Variants in PTPRR observed in about 807,000 individuals in gnomAD.
PTPRR encodes receptor-type tyrosine-protein phosphatase R.
Under a neutral mutation model 77.2 loss-of-function variants are expected in PTPRR, and 38 were observed. That is an observed-to-expected ratio of 0.49 (90% confidence interval 0.38 to 0.65). The LOEUF is 0.65. Ranked by LOEUF, PTPRR falls within the 30% of genes least tolerant of loss-of-function variation. The pLI is 0.00. For synonymous variants in PTPRR, 299 were observed against 283.1 expected (o/e 1.06, Z -0.57); for missense variants, 744 against 799.2 (o/e 0.93, Z 0.83).
At chr12:70,728,903 T>A (rs1889551884) in intron 6 of PTPRR, among the ~76,000 whole-genome samples, 1 of 152,050 alleles carries the variant, frequency 6.6e-6, no homozygotes, top group African/African-American at 2.4e-5. Context: ...GCTGTTGGAA[T>A]ACTACGGGGC....
At chr12:70,671,876 C>T (rs529776555) in intron 10 of PTPRR, 10 of 669,930 alleles carry the variant, frequency 1.5e-5, no homozygotes, top group Admixed American at 1.1e-4. Context: ...CCCACAAGCA[C>T]TAACCCAGCG....
chr12:70,760,177 C>T (rs1431104597), intron 4 of PTPRR, among the ~76,000 whole-genome samples: 1 of 152,156 alleles, frequency 6.6e-6, no homozygotes, highest in Admixed American at 6.5e-5. Flanking sequence ...TTTAAAAATT[C>T]AATCCATATT....
In PTPRR at chr12:70,684,803, A is replaced by G; in HGVS notation, c.1280-20T>C. 1 of 1,531,818 alleles carries G rather than the reference A, an allele frequency of 6.5e-7. No homozygotes were observed. The highest frequency in any genetic ancestry group is 8.9e-7 in the Non-Finnish European group (1 of 1,121,426). The allele number at this position is 1,531,818 out of a possible 1,614,324, so 94.9% of individuals were successfully genotyped here. On this transcript the variant is annotated intron_variant, in intron 8 of 13. Coordinates refer to ENST00000283228, the MANE Select transcript of PTPRR (RefSeq NM_002849.4). ...GGGGATCTAATGAAGAAAACAAAAA[A>G]GAATATATTAAACAGATTTACCCTT...
At chr12:70,875,730 CA>C (rs1465824758) in intron 2 of PTPRR, among the ~76,000 whole-genome samples, 1 of 149,978 alleles carries the variant, frequency 6.7e-6, no homozygotes, top group Non-Finnish European at 1.5e-5. Flanking sequence ...AAAAAAGACA[CA>C]GAAAAAAGGG....
chr12:70,757,164 T>G (rs962669723), intron 4 of PTPRR, among the ~76,000 whole-genome samples: 6 of 152,216 alleles, frequency 3.9e-5, no homozygotes, highest in Admixed American at 6.5e-5. Flanking sequence ...GAATAATCAT[T>G]AAACTCACAC....
intron 1 of PTPRR, among the ~76,000 whole-genome samples, chr12:70,918,451 T>C (rs1487402784): frequency 1.3e-5 from 2 of 152,190 alleles, no homozygotes; most frequent in Non-Finnish European, 2.9e-5. Context: ...GTTTTGCAAA[T>C]TAAAAAGTTG....
rs867453764 is a variant in PTPRR, at chr12:70,759,697, A to C, written c.627+1774T>G. ...TCCGTCTTAAAAAAAAAAAAAAAAA[A>C]AAAAAAAAACAAACGAAAGGTATGT... On this transcript the variant is annotated intron_variant, in intron 4 of 13. Coordinates refer to ENST00000283228, the MANE Select transcript of PTPRR (RefSeq NM_002849.4). Among the ~76,000 whole-genome samples the C allele has an allele frequency of 5.7e-3, 853 of 150,188 alleles. 14 individuals are homozygous for C. Among genetic ancestry groups the C allele is most frequent in the African/African-American group, 0.019 (792 of 40,906 alleles).
At chr12:70,704,086 T>C (rs1424131849) in intron 6 of PTPRR, among the ~76,000 whole-genome samples, 1 of 151,986 alleles carries the variant, frequency 6.6e-6, no homozygotes, top group African/African-American at 2.4e-5. Flanking sequence ...GTAAGAGAGA[T>C]GAGAGAGAAG....
chr12:70,875,999 G>T (rs1012083402), intron 2 of PTPRR, among the ~76,000 whole-genome samples: 1 of 152,054 alleles, frequency 6.6e-6, no homozygotes, highest in Non-Finnish European at 1.5e-5. Flanking sequence ...AAATTAAAAA[G>T]AACAACAATG....
At chr12:70,852,541 C>T (rs1383053881) in intron 2 of PTPRR, among the ~76,000 whole-genome samples, 2 of 152,046 alleles carry the variant, frequency 1.3e-5, no homozygotes, top group East Asian at 1.9e-4. Flanking sequence ...CAATCGAATC[C>T]CTTCTCAGGA....
intron 2 of PTPRR, among the ~76,000 whole-genome samples, chr12:70,834,037 A>G (rs912395752): frequency 4.6e-5 from 7 of 152,142 alleles, no homozygotes; most frequent in African/African-American, 1.4e-4. Flanking sequence ...GCGTTTTGCC[A>G]TAGATAACAG....
intron 1 of PTPRR, among the ~76,000 whole-genome samples, chr12:70,906,259 A>G (rs1476857188): frequency 6.6e-6 from 1 of 152,020 alleles, no homozygotes; most frequent in African/African-American, 2.4e-5. Flanking sequence ...TTGCATATCT[A>G]CAACTAGATT....
rs543333455 is a variant in PTPRR, at chr12:70,666,907, CCATTTTTGATTAACTGTGTGTTTTTCTG to C, written c.1498-4330_1498-4303del. Among the ~76,000 whole-genome samples, 269 of 138,724 alleles carry C rather than the reference CCATTTTTGATTAACTGTGTGTTTTTCTG, an allele frequency of 1.9e-3. 1 individual carries two copies. Among genetic ancestry groups the C allele is most frequent in the Middle Eastern group, 4.2e-3 (1 of 238 alleles). 91.0% of individuals were successfully genotyped at this position (138,724 alleles called of 152,430 possible). A position where few individuals can be genotyped will look rare whatever the true frequency, so the allele number is the denominator to read the frequency against. On this transcript the variant is annotated intron_variant, in intron 10 of 13. Transcript: ENST00000283228. ...ACTTTTTTTATGATTCTCACATTGA[CCATTTTTGATTAACTGTGTGTTTTTCTG>C]TTTTTTTTTTTTTTTTTTTTTTTTT...
intron 8 of PTPRR, among the ~76,000 whole-genome samples, chr12:70,693,988 C>T (rs140541498): frequency 5.3e-4 from 80 of 152,004 alleles, no homozygotes; most frequent in African/African-American, 1.7e-3. Context: ...TTAATTTTCT[C>T]GGTAGCCTTG....
intron 6 of PTPRR, among the ~76,000 whole-genome samples, chr12:70,744,922 G>A (rs1299221472): frequency 6.6e-6 from 1 of 152,086 alleles, no homozygotes; most frequent in Non-Finnish European, 1.5e-5. Context: ...ATTTTTGAGA[G>A]GCAAAGAATT....
In PTPRR at chr12:70,855,487, C is replaced by T. The variant is rs141423119; in HGVS notation, c.357+37192G>A. ...AAGAGCAGCATTGTAGGAATGCAAA[C>T]TGAGCTGTACTTGTCCTGTACATAG... On this transcript the variant is annotated intron_variant, in intron 2 of 13. Coordinates refer to ENST00000283228, the MANE Select transcript of PTPRR (RefSeq NM_002849.4). 3.9e-5 allele frequency among the ~76,000 whole-genome samples: 6 copies of T among 152,234 alleles called. No individual in the cohort carries two copies. In the East Asian group the frequency reaches 1.2e-3, roughly 30 times the overall value.
At chr12:70,770,706 A>G (rs1407412413) in intron 2 of PTPRR, among the ~76,000 whole-genome samples, 1 of 152,210 alleles carries the variant, frequency 6.6e-6, no homozygotes, top group Non-Finnish European at 1.5e-5. Context: ...ACATGCACAC[A>G]TAGGTTTATT....
chr12:70,804,447 T>C (rs1017580142), intron 2 of PTPRR, among the ~76,000 whole-genome samples: 5 of 151,862 alleles, frequency 3.3e-5, no homozygotes, highest in Non-Finnish European at 7.4e-5. Flanking sequence ...TAGTCCCAGC[T>C]ACTTGGGAGG....
intron 2 of PTPRR, among the ~76,000 whole-genome samples, chr12:70,822,875 T>G (rs537373666): frequency 6.6e-6 from 1 of 152,154 alleles, no homozygotes; most frequent in South Asian, 2.1e-4. Flanking sequence ...GTAATGTTAA[T>G]AAAATTAAGG....
Sources: gnomAD v4.1 joint callset for allele counts (sites outside exome capture counted in the v4.1 genomes callset) on GRCh38, gnomAD v4.1.1 for gene constraint, MANE v1.5 for transcripts, NCBI Gene and HGNC (gene_info 2026-07-23, HGNC 2026-07-21) for gene names.